The following VSIG10L2 variants were observed in gnomAD, a reference collection of about 807,000 sequenced individuals.
VSIG10L2 encodes V-set and immunoglobulin domain-containing protein 10-like 2.
VSIG10L2 carries 56 observed loss-of-function variants against 67.1 expected under a neutral mutation model. That is an observed-to-expected ratio of 0.83 (90% CI 0.67 to 1.04). The LOEUF (loss-of-function observed/expected upper bound fraction) is 1.04. Ranked by LOEUF, VSIG10L2 falls within the 50% of genes least tolerant of loss-of-function variation. The probability of loss-of-function intolerance (pLI) is 0.00; values close to 1 mark genes in which losing one functional copy is unlikely to be tolerated. For missense variants in VSIG10L2, 843 were observed against 932.8 expected, an observed-to-expected ratio of 0.90 and a Z score of 1.25; for synonymous variants, 360 against 396.6, an observed-to-expected ratio of 0.91 and a Z score of 1.10.
intron 1 of VSIG10L2, 135 bp from the exon 2 acceptor site, chr11:125,947,551 T>G (rs932090363): frequency 1.6e-6 from 2 of 1,230,712 alleles, no homozygotes; most frequent in Admixed American, 8.4e-5. Context: ...CCAGAAGTGC[T>G]TTTATGTGGT....
intron 8 of VSIG10L2, among the ~76,000 whole-genome samples, 165 bp from the exon 9 acceptor site, chr11:125,954,892 G>C (rs1293437063): frequency 6.6e-6 from 1 of 152,142 alleles, no homozygotes; most frequent in African/African-American, 2.4e-5. Context: ...GCCTTCCTTG[G>C]GAGAGACCTG....
chr11:125,954,433 C>G (rs1945422638), intron 8 of VSIG10L2, 50 bp downstream of exon 8: 3 of 1,225,038 alleles, frequency 2.4e-6, no homozygotes, highest in Non-Finnish European at 3.1e-6. Context: ...AAGCGCTGGC[C>G]CCTGGTTCAT....
intron 4 of VSIG10L2, 88 bp downstream of exon 4, chr11:125,950,377 G>A (rs776441471): frequency 5.3e-5 from 64 of 1,207,900 alleles, no homozygotes; most frequent in Middle Eastern, 3.1e-4. Flanking sequence ...GGCAGACCCC[G>A]CCGTCCCGTG....
In VSIG10L2 at chr11:125,953,298, G is replaced by A. The variant is rs1048120404; in HGVS notation, c.1496-102G>A. The stretch of plus-strand genomic sequence containing the variant: ...CCAGACAAGCCTCATTGTCAACTCC[G>A]CAGCTCTCCCGCTCCATCTCTTCTC... On this transcript the variant is annotated intron_variant, in intron 6 of 11. Transcript: ENST00000686984. The A allele has an allele frequency of 2.7e-5, 28 of 1,026,088 alleles. No homozygotes were observed. The South Asian group carries it at 4.0e-4, about 15-fold the overall frequency. The allele number at this position is 1,026,088 out of a possible 1,614,324, so 63.6% of individuals were successfully genotyped here. A position where few individuals can be genotyped will look rare whatever the true frequency, so the allele number is the denominator to read the frequency against.
At chr11:125,949,787 G>A (rs1206428118) in intron 3 of VSIG10L2, among the ~76,000 whole-genome samples, 1 of 152,118 alleles carries the variant, frequency 6.6e-6, no homozygotes, top group Non-Finnish European at 1.5e-5. Context: ...GTCCCTCCAG[G>A]AAGTGCCCAC....
At chr11:125,952,154 G>A (rs1945386714) in intron 6 of VSIG10L2, 81 bp downstream of exon 6, 1 of 1,443,996 alleles carries the variant, frequency 6.9e-7, no homozygotes, top group Non-Finnish European at 9.1e-7. Flanking sequence ...AGATCTTAGG[G>A]GGTGGCTGTG....
At chr11:125,954,780 C>T (rs1413127405) in intron 8 of VSIG10L2, among the ~76,000 whole-genome samples, 2 of 152,208 alleles carry the variant, frequency 1.3e-5, no homozygotes, top group Non-Finnish European at 2.9e-5. Context: ...TGCTCCCCTT[C>T]AGCCCCAAGC....
chr11:125,947,651 G>T, intron 1 of VSIG10L2, 35 bp from the exon 2 acceptor site: 1 of 1,232,372 alleles, frequency 8.1e-7, no homozygotes, highest in Non-Finnish European at 1.0e-6. Flanking sequence ...GCCCAGAGCA[G>T]CCCAGAAGTC....
chr11:125,953,775 A>G, intron 7 of VSIG10L2, 85 bp downstream of exon 7: 1 of 1,200,808 alleles, frequency 8.3e-7, no homozygotes. Flanking sequence ...GGAAAGGCAC[A>G]AGGATTCCCT....
rs1469831657 is a variant in VSIG10L2 at position 125,951,599 on chromosome 11, A to T, written c.1235-214A>T. On this transcript the variant is annotated intron_variant, in intron 5 of 11. Transcript: ENST00000686984. ...CCAGGGAGTTTGTCTTTCTGTCTAT[A>T]TTCTAGCACACATCAAATCATAATA... 8.5e-5 allele frequency among the ~76,000 whole-genome samples: 13 copies of T among 152,302 alleles called. No individual in the cohort carries two copies. In the East Asian group the frequency reaches 2.5e-3, roughly 29 times the overall value.
rs1159709839 is a variant in VSIG10L2 at position 125,955,166 on chromosome 11, A to G, written c.2193A>G (p.Pro731=). 2 of 1,250,862 alleles carry G rather than the reference A, an allele frequency of 1.6e-6. No homozygotes were observed. The highest frequency in any genetic ancestry group is 2.0e-6 in the Non-Finnish European group (2 of 999,450). 77.5% of individuals were successfully genotyped at this position (1,250,862 alleles called of 1,614,324 possible). ...TGTTCCAGTATGCTGCCCGGCACCC[A>G]GAGACTTTCCCCCGTGAGTGGGAAT... ...LLVFQYAARH[P]ETFPRLGQLL... Residue 731 remains proline, a synonymous_variant, in exon 9 of 12, where the codon CCA becomes CCG. Coordinates refer to ENST00000686984, the MANE Select transcript of VSIG10L2 (RefSeq NM_001365077.2).
In VSIG10L2 at chr11:125,947,790, C is replaced by T. The variant is rs944743353; in HGVS notation, c.187C>T (p.Leu63=). ...GGCCTGTGGCTCAGGGCCTGCCCCGCTGCTGGTCCTCTGGAGCTTCACCCC... is the reference window on the plus strand; with the variant it reads ...GGCCTGTGGCTCAGGGCCTGCCCCGTTGCTGGTCCTCTGGAGCTTCACCCC... ...ELACGSGPAP[L]LVLWSFTPLG... The change falls in exon 2 of 12, where the codon CTG becomes TTG. Residue 63 remains leucine (L), a synonymous_variant. Coordinates refer to ENST00000686984, the MANE Select transcript of VSIG10L2 (RefSeq NM_001365077.2). The T allele has an allele frequency of 3.2e-6, 4 of 1,232,646 alleles. No homozygotes were observed. Among genetic ancestry groups the T allele is most frequent in the Admixed American group, 4.2e-5 (1 of 23,732 alleles). The allele number at this position is 1,232,646 out of a possible 1,614,324, so 76.4% of individuals were successfully genotyped here.
At chr11:125,953,799 G>A in intron 7 of VSIG10L2, 109 bp downstream of exon 7, 6 of 1,109,740 alleles carry the variant, frequency 5.4e-6, no homozygotes, top group Non-Finnish European at 6.8e-6. Flanking sequence ...CCAAAATTTG[G>A]ACGCTTGAGC....
chr11:125,952,188 C>A (rs992157155), intron 6 of VSIG10L2, 115 bp downstream of exon 6: 10 of 1,348,014 alleles, frequency 7.4e-6, no homozygotes, highest in Middle Eastern at 2.0e-4. Flanking sequence ...TGAGTCAGTG[C>A]GGACGGGGAA....
At position 125,952,076 on chromosome 11, in the gene VSIG10L2, G is replaced by T; in HGVS notation, c.1495+3G>T. ...CCCCCACTGCCACCTCCAGCTGGGTGAGTAGGGGCTAGCGAGTTTGTTCTG... is the reference window on the plus strand; with the variant it reads ...CCCCCACTGCCACCTCCAGCTGGGTTAGTAGGGGCTAGCGAGTTTGTTCTG... On this transcript the variant is annotated splice_donor_region_variant and intron_variant, in intron 6 of 11. Coordinates refer to ENST00000686984, the MANE Select transcript of VSIG10L2 (RefSeq NM_001365077.2). 5 of 1,532,078 alleles carry T rather than the reference G, an allele frequency of 3.3e-6. No individual in the cohort carries two copies. The highest frequency in any genetic ancestry group is 4.4e-6 in the Non-Finnish European group (5 of 1,144,006). 94.9% of individuals were successfully genotyped at this position (1,532,078 alleles called of 1,614,324 possible).
chr11:125,955,263 C>G (rs563380284), intron 9 of VSIG10L2, 84 bp downstream of exon 9: 2 of 1,310,670 alleles, frequency 1.5e-6, no homozygotes, highest in Non-Finnish European at 9.7e-7. Flanking sequence ...ATGCAGCACT[C>G]CCGGGGGAGA....
intron 6 of VSIG10L2, among the ~76,000 whole-genome samples, chr11:125,952,347 A>T (rs1945389143): frequency 6.6e-6 from 1 of 152,260 alleles, no homozygotes; most frequent in Non-Finnish European, 1.5e-5. Context: ...CCACATTTAA[A>T]AAGAAGAAGA....
intron 1 of VSIG10L2, chr11:125,947,357 G>A: frequency 1.1e-6 from 1 of 915,694 alleles, no homozygotes; most frequent in Non-Finnish European, 1.3e-6. Flanking sequence ...CACCACCACT[G>A]GGAGTGTCTG....
intron 8 of VSIG10L2, 117 bp downstream of exon 8, chr11:125,954,500 C>T: frequency 2.3e-6 from 2 of 875,752 alleles, no homozygotes; most frequent in Non-Finnish European, 3.0e-6. Context: ...CTACTGAATT[C>T]TCCCATCCCC....
Sources: gnomAD v4.1 joint callset for allele counts (sites outside exome capture counted in the v4.1 genomes callset) on GRCh38, gnomAD v4.1.1 for gene constraint, MANE v1.5 for transcripts, NCBI Gene and HGNC (gene_info 2026-07-23, HGNC 2026-07-21) for gene names.